ZNF124: variants seen among roughly 807,000 people sequenced by gnomAD.
ZNF124 encodes the protein zinc finger protein 124, also known as zinc finger protein HZF-16.
ZNF124 carries 25 observed loss-of-function variants against 26.6 expected under a neutral mutation model. The ratio of observed to expected loss-of-function variants is 0.94; its 90% CI spans 0.68 to 1.31. The LOEUF is 1.31. ZNF124 is among the 40% of genes most tolerant of loss of function. The pLI, the probability that ZNF124 is intolerant of heterozygous loss-of-function variation, is 0.00. For missense variants in ZNF124, 444 were observed against 422.2 expected, an observed-to-expected ratio of 1.05 and a Z score of -0.45; for synonymous variants, 129 against 133.3, an observed-to-expected ratio of 0.97 and a Z score of 0.22.
downstream of ZNF124, among the ~76,000 whole-genome samples, chr1:247,151,699 C>T (rs1572075730): frequency 2.6e-5 from 4 of 152,104 alleles, no homozygotes; most frequent in Admixed American, 2.6e-4. Context: ...AATACCAATA[C>T]ATTTTCTGGA....
intron 1 of ZNF124, among the ~76,000 whole-genome samples, chr1:247,169,391 C>T (rs979844398): frequency 1.4e-4 from 22 of 152,310 alleles, no homozygotes; most frequent in Admixed American, 2.6e-4. Context: ...GTGTCATCTT[C>T]CTGGGAAGAA....
rs1673225627 is a variant in ZNF124, at chr1:247,157,586, CATT to C, written c.219-186_219-184del. The C allele has an allele frequency of 1.8e-5, 11 of 628,218 alleles. No individual in the cohort carries two copies. In the East Asian group the frequency reaches 3.0e-4, roughly 17 times the overall value. The allele number at this position is 628,218 out of a possible 1,614,324, so 38.9% of individuals were successfully genotyped here. A position where few individuals can be genotyped will look rare whatever the true frequency, so the allele number is the denominator to read the frequency against. On this transcript the variant is annotated intron_variant, in intron 3 of 3. Coordinates refer to ENST00000543802, the MANE Select transcript of ZNF124 (RefSeq NM_001297568.2). ...CTTCTGCAAAAAATGACAACCCCAT[CATT>C]AATGGTTTATTAGTTATTTTCTTTT...
In ZNF124 at chr1:247,167,571, AGAGAC is replaced by A. The variant is rs568023499; in HGVS notation, c.30+4272_30+4276del. ...ATTTCATTTGAAACTACCCAAAAGA[AGAGAC>A]GAGACCTCAAAAAGTTACCACATAC... On this transcript the variant is annotated intron_variant, in intron 1 of 3. Transcript: ENST00000543802. Among the ~76,000 whole-genome samples the A allele has an allele frequency of 2.0e-4, 31 of 152,354 alleles. 1 individual carries two copies. The East Asian group carries it at 6.0e-3, about 29-fold the overall frequency.
rs1673097389 is a variant in ZNF124 at position 247,155,836 on chromosome 1, G to A, written c.*730C>T. The A allele has an allele frequency of 1.4e-6, 1 of 731,642 alleles. No individual in the cohort carries two copies. The highest frequency in any genetic ancestry group is 1.7e-6 in the Non-Finnish European group (1 of 600,640). The allele number at this position is 731,642 out of a possible 1,614,324, so 45.3% of individuals were successfully genotyped here. Reference sequence around the variant, plus strand: ...AGATTGTGCCACTGCACACCAGCCTGGGCGACAAAGTGAGACTCCATCTCA... The same window carrying A: ...AGATTGTGCCACTGCACACCAGCCTAGGCGACAAAGTGAGACTCCATCTCA... On this transcript the variant is annotated 3_prime_UTR_variant, in exon 4 of 4. Coordinates refer to ENST00000543802, the MANE Select transcript of ZNF124 (RefSeq NM_001297568.2).
chr1:247,142,925 G>A (rs1432111803), intron 3 of ZNF124, among the ~76,000 whole-genome samples: 5 of 149,714 alleles, frequency 3.3e-5, no homozygotes, highest in African/African-American at 1.2e-4. Context: ...TAATTTTTAT[G>A]TAGAAAAAAG....
At chr1:247,141,230 G>T (rs542784591) in intron 3 of ZNF124, among the ~76,000 whole-genome samples, 2 of 152,210 alleles carry the variant, frequency 1.3e-5, no homozygotes, top group South Asian at 4.2e-4. Context: ...GCAGTTTGTT[G>T]TAGGTGTGGA....
intron 3 of ZNF124, among the ~76,000 whole-genome samples, chr1:247,145,022 C>T (rs1672727019): frequency 6.6e-6 from 1 of 152,188 alleles, no homozygotes; most frequent in African/African-American, 2.4e-5. Flanking sequence ...GATCCACCCG[C>T]CTCGGCCTCC....
intron 1 of ZNF124, among the ~76,000 whole-genome samples, chr1:247,170,860 C>CT (rs1322622595): frequency 7.9e-6 from 1 of 126,592 alleles, no homozygotes; most frequent in African/African-American, 3.6e-5. Flanking sequence ...AAGGGTCAAT[C>CT]TGTAACCAGG....
At chr1:247,137,368 G>A (rs1276616375) in intron 3 of ZNF124, among the ~76,000 whole-genome samples, 2 of 147,638 alleles carry the variant, frequency 1.4e-5, no homozygotes, top group African/African-American at 5.1e-5. Context: ...GGGAGGCCAG[G>A]TGCAGTGGCT....
intron 3 of ZNF124, among the ~76,000 whole-genome samples, chr1:247,148,865 G>A (rs1672854396): frequency 6.6e-6 from 1 of 152,116 alleles, no homozygotes; most frequent in South Asian, 2.1e-4. Context: ...AGCTACTCTG[G>A]AGGCTGAGGC....
chr1:247,128,418 C>T (rs1558370030), intron 3 of ZNF124, among the ~76,000 whole-genome samples: 2 of 148,428 alleles, frequency 1.3e-5, no homozygotes, highest in Non-Finnish European at 3.0e-5. Flanking sequence ...CCTAATGTGC[C>T]CACACTGGCC....
chr1:247,134,441 G>C (rs933675363), intron 3 of ZNF124, among the ~76,000 whole-genome samples: 3 of 152,112 alleles, frequency 2.0e-5, no homozygotes, highest in African/African-American at 7.2e-5. Flanking sequence ...CAAAAAAAAG[G>C]CAGGGATTGC....
intron 3 of ZNF124, among the ~76,000 whole-genome samples, chr1:247,134,764 A>G (rs1672444948): frequency 6.6e-6 from 1 of 152,234 alleles, no homozygotes; most frequent in Admixed American, 6.5e-5. Flanking sequence ...GTAGATGTCT[A>G]AAGAACTCTC....
chr1:247,123,260 G>GATCTCGGCTCACTGCA (rs1672122550), exon 4 of ZNF124: 2 of 151,982 alleles, frequency 1.3e-5, no homozygotes, highest in Non-Finnish European at 2.9e-5. Context: ...ACAGTGGCGC[G>GATCTCGGCTCACTGCA]ATCTCGGCTC....
Position 247,157,292 on chromosome 1 carries a change from G to GTGAA in ZNF124, c.326_329dup (p.Arg111SerfsTer19). 1 of 1,604,264 alleles carries GTGAA rather than the reference G, an allele frequency of 6.2e-7. No homozygotes were observed. The highest frequency in any genetic ancestry group is 8.5e-7 in the Non-Finnish European group (1 of 1,174,248). Reference sequence around the variant, plus strand: ...TTCCAGTGTGCATTACTGTGTCTCTGTGAACCCTTGTGACAGAAAGGGAAG... The same window carrying GTGAA: ...TTCCAGTGTGCATTACTGTGTCTCTGTGAATGAACCCTTGTGACAGAAAGGGAAG... On this transcript the variant is annotated frameshift_variant, in exon 4 of 4. Transcript: ENST00000543802. LOFTEE classifies it high-confidence loss of function.
intron 2 of ZNF124, 60 bp from the exon 3 acceptor site, chr1:247,159,126 A>T (rs973934264): frequency 6.7e-7 from 1 of 1,498,978 alleles, no homozygotes; most frequent in Admixed American, 1.9e-5. Context: ...AAATTACTAG[A>T]CTCTAGGTGC....
At chr1:247,166,036 G>A (rs967532712) in intron 1 of ZNF124, among the ~76,000 whole-genome samples, 8 of 152,132 alleles carry the variant, frequency 5.3e-5, no homozygotes, top group African/African-American at 4.8e-5. Context: ...AAAATTAGCC[G>A]GGCCTGTTAG....
chr1:247,142,270 A>T (rs766509289), intron 3 of ZNF124, among the ~76,000 whole-genome samples: 2 of 152,202 alleles, frequency 1.3e-5, no homozygotes, highest in Non-Finnish European at 2.9e-5. Context: ...ACAACTTTAG[A>T]CACACCATGT....
downstream of ZNF124, among the ~76,000 whole-genome samples, chr1:247,151,434 G>C (rs546094491): frequency 4.1e-3 from 607 of 149,396 alleles, 1 homozygote; most frequent in Middle Eastern, 0.018. Context: ...AGCCGAGATC[G>C]CGCCACTGCA....
Sources: allele counts gnomAD v4.1 joint callset (sites outside exome capture counted in the v4.1 genomes callset), GRCh38; gene constraint gnomAD v4.1.1; transcripts MANE v1.5; gene names NCBI Gene and HGNC (gene_info 2026-07-23, HGNC 2026-07-21).